SNTG1: variants seen among roughly 807,000 people sequenced by gnomAD.
SNTG1 encodes the protein syntrophin gamma 1.
A neutral mutation model predicts 74.7 loss-of-function variants in SNTG1; 39 were observed. That is an observed-to-expected ratio of 0.52 (90% confidence interval 0.40 to 0.68). The LOEUF (loss-of-function observed/expected upper bound fraction) is 0.68. SNTG1 is among the 30% of genes least tolerant of loss of function. The probability of loss-of-function intolerance (pLI) is 0.00; values close to 1 mark genes in which losing one functional copy is unlikely to be tolerated. For synonymous variants in SNTG1, 254 were observed against 217.1 expected (o/e 1.17, Z -1.49); for missense variants, 685 against 609.5 (o/e 1.12, Z -1.30).
chr8:50,687,120 C>T (rs1411615813), intron 15 of SNTG1, among the ~76,000 whole-genome samples: 3 of 140,768 alleles, frequency 2.1e-5, no homozygotes, highest in African/African-American at 5.5e-5. Context: ...CCGGCCTGGG[C>T]GACAGAGCGA....
chr8:50,050,530 A>G (rs1819479231), intron 1 of SNTG1, among the ~76,000 whole-genome samples: 1 of 152,080 alleles, frequency 6.6e-6, no homozygotes, highest in Admixed American at 6.6e-5. Flanking sequence ...TTCAAGGAGT[A>G]AACAGATTGA....
chr8:50,615,813 G>A (rs1045724703), intron 13 of SNTG1, among the ~76,000 whole-genome samples: 1 of 152,144 alleles, frequency 6.6e-6, no homozygotes, highest in Non-Finnish European at 1.5e-5. Context: ...ACCACATCTG[G>A]GGCTGCAAAG....
chr8:50,319,478 A>C (rs1009845033), intron 2 of SNTG1, among the ~76,000 whole-genome samples: 5 of 152,220 alleles, frequency 3.3e-5, no homozygotes, highest in African/African-American at 1.2e-4. Context: ...GGAAGTCTTT[A>C]GGTTGTTCCA....
chr8:49,977,753 T>C (rs1460121190), intron 1 of SNTG1, among the ~76,000 whole-genome samples: 1 of 152,208 alleles, frequency 6.6e-6, no homozygotes, highest in Non-Finnish European at 1.5e-5. Context: ...TCTTTTCCAT[T>C]GTCAATCCTG....
intron 5 of SNTG1, among the ~76,000 whole-genome samples, chr8:50,444,061 C>G (rs1018047234): frequency 3.3e-5 from 5 of 152,020 alleles, no homozygotes; most frequent in African/African-American, 1.2e-4. Context: ...TCACTTGAAC[C>G]GGGGAGGCAG....
chr8:50,764,345 G>A lies in SNTG1; in HGVS notation c.1395+12234G>A, dbSNP rs140715614. On this transcript the variant is annotated intron_variant, in intron 18 of 18. Coordinates refer to ENST00000642720, the MANE Select transcript of SNTG1 (RefSeq NM_018967.5). The stretch of plus-strand genomic sequence containing the variant: ...GAGTGATGAGGCGACCTATATCATG[G>A]GAGAAATATTTATAAGCTGTACATG... Among the ~76,000 whole-genome samples the A allele has an allele frequency of 3.7e-3, 568 of 151,916 alleles. 4 individuals carry two copies. The highest frequency in any genetic ancestry group is 0.013 in the African/African-American group (524 of 41,490).
chr8:50,037,739 T>C (rs1446825242), intron 1 of SNTG1, among the ~76,000 whole-genome samples: 1 of 152,218 alleles, frequency 6.6e-6, no homozygotes, highest in Non-Finnish European at 1.5e-5. Flanking sequence ...AGTTATCAAA[T>C]CTCAGGTCTC....
chr8:50,176,811 A>G (rs1205131973), intron 2 of SNTG1, among the ~76,000 whole-genome samples: 2 of 152,202 alleles, frequency 1.3e-5, no homozygotes, highest in Non-Finnish European at 2.9e-5. Context: ...AAGTCTAGCT[A>G]CACTTAAAAA....
At chr8:50,607,403 T>C (rs1006212282) in intron 13 of SNTG1, among the ~76,000 whole-genome samples, 1 of 151,740 alleles carries the variant, frequency 6.6e-6, no homozygotes, top group African/African-American at 2.4e-5. Context: ...TACAGAGCTA[T>C]TCAAGTTATC....
At chr8:50,416,259 A>T (rs1418434741) in intron 4 of SNTG1, among the ~76,000 whole-genome samples, 1 of 152,078 alleles carries the variant, frequency 6.6e-6, no homozygotes, top group African/African-American at 2.4e-5. Flanking sequence ...ATATTCCTGG[A>T]TTGCCATGGA....
chr8:50,354,317 T>C (rs1164829034), intron 2 of SNTG1, among the ~76,000 whole-genome samples: 1 of 152,216 alleles, frequency 6.6e-6, no homozygotes, highest in Non-Finnish European at 1.5e-5. Context: ...TAAAGCATGG[T>C]CAATCTTTCT....
chr8:50,757,538 A>G (rs1187990210), intron 18 of SNTG1, among the ~76,000 whole-genome samples: 1 of 151,780 alleles, frequency 6.6e-6, no homozygotes, highest in African/African-American at 2.4e-5. Context: ...TTCTCCATTC[A>G]CTGACTTTTA....
At chr8:50,406,007 AT>A (rs1222047709) in intron 4 of SNTG1, among the ~76,000 whole-genome samples, 7 of 152,066 alleles carry the variant, frequency 4.6e-5, no homozygotes, top group African/African-American at 1.7e-4. Flanking sequence ...TTTATAGCAA[AT>A]TTTGAAATCA....
At chr8:50,183,856 G>A (rs1398913780) in intron 2 of SNTG1, among the ~76,000 whole-genome samples, 3 of 151,824 alleles carry the variant, frequency 2.0e-5, no homozygotes, top group African/African-American at 4.8e-5. Context: ...GTCTTTTATC[G>A]CTGTATTTAA....
At chr8:50,208,965 G>T (rs1016430853) in intron 2 of SNTG1, among the ~76,000 whole-genome samples, 10 of 152,074 alleles carry the variant, frequency 6.6e-5, no homozygotes, top group African/African-American at 1.9e-4. Flanking sequence ...AAGGGGTCTG[G>T]GAATTCCCTT....
At chr8:50,229,421 C>T (rs975833829) in intron 2 of SNTG1, among the ~76,000 whole-genome samples, 11 of 150,606 alleles carry the variant, frequency 7.3e-5, no homozygotes, top group Non-Finnish European at 1.6e-4. Context: ...TTTACTAACA[C>T]AAATTAAAAA....
At chr8:50,458,332 A>G (rs1226226941) in intron 8 of SNTG1, among the ~76,000 whole-genome samples, 1 of 152,206 alleles carries the variant, frequency 6.6e-6, no homozygotes. Flanking sequence ...TAAAAGGAAC[A>G]TGCAGAAAAA....
chr8:50,401,555 C>A (rs908888577), intron 3 of SNTG1, among the ~76,000 whole-genome samples: 4 of 152,000 alleles, frequency 2.6e-5, no homozygotes, highest in Non-Finnish European at 1.5e-5. Context: ...GTTTATTTCA[C>A]CTTGTTACCC....
In SNTG1 at chr8:50,013,737, A is replaced by G. The variant is rs543008998; in HGVS notation, c.-103+101506A>G. On this transcript the variant is annotated intron_variant, in intron 1 of 18. Coordinates refer to ENST00000642720, the MANE Select transcript of SNTG1 (RefSeq NM_018967.5). ...TGCTTTTTTAAAATGGCAATTTTAT[A>G]TAATTGTATAAAACTTCACATATAT... Among the ~76,000 whole-genome samples, 43 of 152,242 alleles carry G rather than the reference A, an allele frequency of 2.8e-4. 1 individual carries two copies. The South Asian group carries it at 7.2e-3, about 26-fold the overall frequency.
Sources: allele counts gnomAD v4.1 joint callset (sites outside exome capture counted in the v4.1 genomes callset), GRCh38; gene constraint gnomAD v4.1.1; transcripts MANE v1.5; gene names NCBI Gene and HGNC (gene_info 2026-07-23, HGNC 2026-07-21).